Variants in HK2 observed in about 807,000 individuals in gnomAD.
HK2 encodes hexokinase-2.
HK2 carries 42 observed loss-of-function variants against 92.9 expected under a neutral mutation model. That is an observed-to-expected ratio of 0.45 (90% CI 0.35 to 0.58). The LOEUF is 0.58. HK2 is among the 20% of genes least tolerant of loss of function. HK2 has a pLI of 0.00. For missense variants in HK2, 978 were observed against 1,245.1 expected, an observed-to-expected ratio of 0.79 and a Z score of 3.23; for synonymous variants, 422 against 468.0, an observed-to-expected ratio of 0.90 and a Z score of 1.27.
At chr2:74,854,243 C>T (rs1446976217) in intron 1 of HK2, 50 bp from the exon 2 acceptor site, 2 of 1,571,912 alleles carry the variant, frequency 1.3e-6, no homozygotes, top group Non-Finnish European at 1.7e-6. Context: ...ACACCTATGC[C>T]ATAATTTATT....
At position 74,842,021 on chromosome 2, in the gene HK2, A is replaced by T. The variant is rs117960833; in HGVS notation, c.63+7378A>T. 2.8e-4 allele frequency among the ~76,000 whole-genome samples: 43 copies of T among 152,360 alleles called. 1 individual carries two copies. In the East Asian group the frequency reaches 8.3e-3, roughly 29 times the overall value. The stretch of plus-strand genomic sequence containing the variant: ...GGGTTGAACTCTGGCTTTCTGCATA[A>T]CACGCAGTGTGAGCTTGGGTCAGTT... On this transcript the variant is annotated intron_variant, in intron 1 of 17. Transcript: ENST00000290573.
At chr2:74,855,717 G>A (rs142320768) in intron 2 of HK2, among the ~76,000 whole-genome samples, 3,065 of 152,324 alleles carry the variant, frequency 0.02, 113 homozygotes, top group African/African-American at 0.071. Context: ...GCAAGGTTTT[G>A]AGGGGTGTCT....
At chr2:74,872,641 A>T (rs1436991171) in intron 4 of HK2, among the ~76,000 whole-genome samples, 1 of 152,124 alleles carries the variant, frequency 6.6e-6, no homozygotes, top group Admixed American at 6.6e-5. Flanking sequence ...CACATTGCAC[A>T]GTATCCTTAT....
chr2:74,872,524 T>C, intron 4 of HK2, 105 bp downstream of exon 4: 1 of 1,244,448 alleles, frequency 8.0e-7, no homozygotes, highest in Non-Finnish European at 1.1e-6. Context: ...CACTGGAGGA[T>C]TGTGGAGATG....
Position 74,874,297 on chromosome 2 carries a change from G to A in HK2, c.723G>A (p.Glu241=), listed in dbSNP as rs781176203. 6.2e-7 allele frequency: 1 copy of A among 1,614,212 alleles called. No individual in the cohort carries two copies. The highest frequency in any genetic ancestry group is 1.3e-5 in the African/African-American group (1 of 75,042). Residue 241 remains glutamate (E), a synonymous_variant, in exon 7 of 18, where the codon GAG becomes GAA. Coordinates refer to ENST00000290573, the MANE Select transcript of HK2 (RefSeq NM_000189.5). ...GTGSNACYME[E]MRHIDMVEGD... ...GCAGCAACGCCTGCTACATGGAAGAGATGCGCCACATCGACATGGTGGAAG... is the reference window on the plus strand; with the variant it reads ...GCAGCAACGCCTGCTACATGGAAGAAATGCGCCACATCGACATGGTGGAAG...
At chr2:74,837,173 T>C (rs1297081805) in intron 1 of HK2, among the ~76,000 whole-genome samples, 1 of 152,240 alleles carries the variant, frequency 6.6e-6, no homozygotes, top group African/African-American at 2.4e-5. Flanking sequence ...AGCATCCCTG[T>C]TTAACTGAGG....
chr2:74,863,696 A>C (rs1324963131), intron 2 of HK2, among the ~76,000 whole-genome samples: 2 of 152,190 alleles, frequency 1.3e-5, no homozygotes, highest in African/African-American at 2.4e-5. Flanking sequence ...GTGTGCTAGC[A>C]GGTGCTTGAA....
Position 74,889,381 on chromosome 2 carries a change from A to G in HK2, c.2512A>G (p.Met838Val). Residue 838 changes from methionine to valine, a missense_variant, in exon 17 of 18, where the codon ATG (methionine) becomes GTG (valine). Physicochemically the swap from Met to Val is conservative, Grantham distance 21. Around this residue, in one of 3 missense-constraint regions of HK2, gnomAD observed 742 missense variants for 922.5 expected, o/e 0.80. Transcript: ENST00000290573. ...GGCAGCCCAGCTCTGTGGCGCAGGC[A>G]TGGCCGCTGTGGTGGACAGGATACG... Reference protein sequence around the residue: ...RRAAQLCGAGMAAVVDRIREN... With the variant: ...RRAAQLCGAGVAAVVDRIREN... The G allele has an allele frequency of 6.2e-7, 1 of 1,614,210 alleles. No individual in the cohort carries two copies. The highest frequency in any genetic ancestry group is 1.3e-5 in the African/African-American group (1 of 75,050).
chr2:74,876,892 G>C (rs138442456), intron 7 of HK2, among the ~76,000 whole-genome samples: 1 of 152,154 alleles, frequency 6.6e-6, no homozygotes, highest in Admixed American at 6.5e-5. Flanking sequence ...TAAAATACAG[G>C]CTGTTCCAGA....
intron 2 of HK2, among the ~76,000 whole-genome samples, chr2:74,863,352 G>A (rs1419673669): frequency 2.0e-5 from 3 of 152,226 alleles, no homozygotes; most frequent in Non-Finnish European, 4.4e-5. Flanking sequence ...AACAAATGAT[G>A]TAGAAGATCA....
chr2:74,881,880 A>G (rs745663815), intron 11 of HK2, 21 bp downstream of exon 11: 6 of 1,613,148 alleles, frequency 3.7e-6, no homozygotes, highest in African/African-American at 1.3e-5. Flanking sequence ...CGGCGCCTTC[A>G]GGAGGGGGCC....
chr2:74,846,547 G>C (rs548412684), intron 1 of HK2, among the ~76,000 whole-genome samples: 19 of 152,164 alleles, frequency 1.2e-4, no homozygotes, highest in Non-Finnish European at 2.4e-4. Flanking sequence ...ATTTGTGTCT[G>C]GCATTTTTCA....
At chr2:74,842,857 G>A (rs538345988) in intron 1 of HK2, among the ~76,000 whole-genome samples, 6 of 152,230 alleles carry the variant, frequency 3.9e-5, no homozygotes, top group South Asian at 4.1e-4. Context: ...TTGCGATGTC[G>A]CAGGAGACAC....
intron 1 of HK2, among the ~76,000 whole-genome samples, chr2:74,846,662 T>A (rs1467786748): frequency 1.3e-5 from 2 of 152,150 alleles, no homozygotes; most frequent in East Asian, 3.9e-4. Flanking sequence ...TCTGGCTTGT[T>A]TTTGTTTTTA....
chr2:74,889,544 C>T, intron 17 of HK2, 66 bp downstream of exon 17: 1 of 1,074,166 alleles, frequency 9.3e-7, no homozygotes. Context: ...CCTTTTCTTT[C>T]TCTCTTTCCT....
intron 2 of HK2, among the ~76,000 whole-genome samples, chr2:74,861,787 C>T (rs1218460047): frequency 6.6e-6 from 1 of 152,134 alleles, no homozygotes; most frequent in Non-Finnish European, 1.5e-5. Flanking sequence ...AAGTACAACC[C>T]AACTGAAAAT....
intron 2 of HK2, among the ~76,000 whole-genome samples, chr2:74,855,291 C>T (rs576032866): frequency 2.0e-5 from 3 of 152,314 alleles, no homozygotes; most frequent in Non-Finnish European, 4.4e-5. Context: ...CCCGCTGCCA[C>T]AGTGCATATT....
intron 1 of HK2, among the ~76,000 whole-genome samples, chr2:74,842,184 T>C (rs757242338): frequency 2.0e-5 from 3 of 152,250 alleles, no homozygotes; most frequent in South Asian, 4.1e-4. Flanking sequence ...GTGCCTGACA[T>C]ATAGTCAATG....
intron 8 of HK2, among the ~76,000 whole-genome samples, chr2:74,878,451 G>A (rs1299742942): frequency 6.6e-6 from 1 of 151,208 alleles, no homozygotes; most frequent in Non-Finnish European, 1.5e-5. Flanking sequence ...GCACGCACAT[G>A]CGTGTGCGTG....
Sources: allele counts gnomAD v4.1 joint callset (sites outside exome capture counted in the v4.1 genomes callset), GRCh38; gene constraint gnomAD v4.1.1; regional missense constraint gnomAD v4.1.1; transcripts MANE v1.5; gene names NCBI Gene and HGNC (gene_info 2026-07-23, HGNC 2026-07-21).